The following MPDZ variants were observed in gnomAD, a reference collection of about 807,000 sequenced individuals.
The protein encoded by MPDZ is multiple PDZ domain protein.
MPDZ carries 234 observed loss-of-function variants against 239.1 expected under a neutral mutation model. The ratio of observed to expected loss-of-function variants is 0.98; its 90% confidence interval spans 0.88 to 1.09. The LOEUF is 1.09. Ranked by LOEUF, MPDZ falls within the 50% of genes least tolerant of loss-of-function variation. The pLI is 0.00. For synonymous variants in MPDZ, 1,048 were observed against 881.3 expected (o/e 1.19, Z -3.35); for missense variants, 3,175 against 2,510.0 (o/e 1.26, Z -5.66).
intron 12 of MPDZ, among the ~76,000 whole-genome samples, chr9:13,198,727 A>ATCTC (rs138547279): frequency 0.032 from 2,577 of 80,690 alleles, 245 homozygotes; most frequent in South Asian, 0.058. Context: ...TAGGTCTTTA[A>ATCTC]TCTCTCTCTC....
rs188392563 is a variant in MPDZ at position 13,188,797 on chromosome 9, G to C, written c.2351C>G (p.Ala784Gly). The change falls in exon 17 of 47, where the codon GCT becomes GGT. Residue 784 changes from alanine (A) to glycine (G), a missense_variant. Ala to Gly is a moderately conservative substitution (Grantham distance 60). Transcript: ENST00000319217. Reference sequence around the variant, plus strand: ...CTGAATTCTTACGGGTAAAGGCTTAGCAACTCCTATTCTCACAGTCCCTGA... The same window carrying C: ...CTGAATTCTTACGGGTAAAGGCTTACCAACTCCTATTCTCACAGTCCCTGA... ...APSGTVRIGV[A>G]KPLPLSPEEG... The C allele has an allele frequency of 1.2e-6, 2 of 1,613,014 alleles. No homozygotes were observed. The highest frequency in any genetic ancestry group is 1.1e-5 in the South Asian group (1 of 91,014).
At chr9:13,255,402 A>C (rs1969196092) in intron 1 of MPDZ, among the ~76,000 whole-genome samples, 1 of 152,208 alleles carries the variant, frequency 6.6e-6, no homozygotes, top group African/African-American at 2.4e-5. Flanking sequence ...AAATATCTTA[A>C]TGGCATTTAA....
chr9:13,169,274 C>T (rs899226287), intron 21 of MPDZ, among the ~76,000 whole-genome samples: 4 of 152,122 alleles, frequency 2.6e-5, no homozygotes, highest in African/African-American at 9.7e-5. Flanking sequence ...CTGGATGTCT[C>T]ACAGGAAATG....
intron 1 of MPDZ, among the ~76,000 whole-genome samples, chr9:13,264,654 T>C (rs62532884): frequency 6.8e-6 from 1 of 146,984 alleles, no homozygotes; most frequent in Non-Finnish European, 1.5e-5. Context: ...TCACCCATAA[T>C]TTAAAAAAAA....
Position 13,245,947 on chromosome 9 carries a change from T to C in MPDZ, c.183+1688A>G, listed in dbSNP as rs569755920. Among the ~76,000 whole-genome samples the C allele has an allele frequency of 5.3e-5, 8 of 152,344 alleles. No individual in the cohort carries two copies. The South Asian group carries it at 6.2e-4, about 12-fold the overall frequency. ...AAGTTATCTCACTGGGCCAGTGGTATATCCCAACAGACTTGCTAGCACTCT... is the reference window on the plus strand; with the variant it reads ...AAGTTATCTCACTGGGCCAGTGGTACATCCCAACAGACTTGCTAGCACTCT... On this transcript the variant is annotated intron_variant, in intron 3 of 46. Transcript: ENST00000319217.
At chr9:13,122,393 AG>A (rs1944484657) in intron 36 of MPDZ, among the ~76,000 whole-genome samples, 1 of 152,226 alleles carries the variant, frequency 6.6e-6, no homozygotes, top group Admixed American at 6.5e-5. Flanking sequence ...AGAAGATTAA[AG>A]AAAAAAACTA....
In MPDZ at chr9:13,176,421, G is replaced by C; in HGVS notation, c.2650-4C>G. ...CACAAGAATTTTCAATAACATCCTGGTAGTTAAAAAACAACAACAACAAAA... is the reference window on the plus strand; with the variant it reads ...CACAAGAATTTTCAATAACATCCTGCTAGTTAAAAAACAACAACAACAAAA... On this transcript the variant is annotated splice_polypyrimidine_tract_variant and splice_region_variant and intron_variant, in intron 19 of 46. Coordinates refer to ENST00000319217, the MANE Select transcript of MPDZ (RefSeq NM_001378778.1). 6.5e-7 allele frequency: 1 copy of C among 1,533,900 alleles called. No individual in the cohort carries two copies. The highest frequency in any genetic ancestry group is 1.7e-4 in the Middle Eastern group (1 of 5,730).
At chr9:13,248,755 C>T (rs1967013802) in intron 2 of MPDZ, among the ~76,000 whole-genome samples, 1 of 150,974 alleles carries the variant, frequency 6.6e-6, no homozygotes, top group South Asian at 2.1e-4. Context: ...ATTACTTGAG[C>T]TCAGGAGTTT....
chr9:13,228,496 T>C (rs1961340884), intron 3 of MPDZ, among the ~76,000 whole-genome samples: 1 of 151,934 alleles, frequency 6.6e-6, no homozygotes, highest in Admixed American at 6.6e-5. Context: ...GCAGAAAAAA[T>C]AACAAAGAAA....
Position 13,279,688 on chromosome 9 carries a change from A to T in MPDZ, c.-346T>A, listed in dbSNP as rs1403890025. 1 of 150,526 alleles carries T rather than the reference A, an allele frequency of 6.6e-6. No individual in the cohort carries two copies. The highest frequency in any genetic ancestry group is 1.5e-5 in the Non-Finnish European group (1 of 67,654). The allele number at this position is 150,526 out of a possible 1,614,324, so 9.3% of individuals were successfully genotyped here. The stretch of plus-strand genomic sequence containing the variant: ...TGCCGCGGAGGCGGTGGCGGGGCCC[A>T]GGCTGCTGGGGCTGCCGTGACGCCT... On this transcript the variant is annotated 5_prime_UTR_variant, in exon 1 of 47. Coordinates refer to ENST00000319217, the MANE Select transcript of MPDZ (RefSeq NM_001378778.1).
intron 1 of MPDZ, among the ~76,000 whole-genome samples, chr9:13,250,989 T>C (rs1967821898): frequency 6.6e-6 from 1 of 150,756 alleles, no homozygotes; most frequent in Admixed American, 6.6e-5. Flanking sequence ...ATTAGCTGGG[T>C]GTGGTTGTGC....
Position 13,175,807 on chromosome 9 carries a change from T to C in MPDZ, c.3000A>G (p.Val1000=), listed in dbSNP as rs750909758. 15 of 1,583,234 alleles carry C rather than the reference T, an allele frequency of 9.5e-6. No individual in the cohort carries two copies. The highest frequency in any genetic ancestry group is 1.1e-5 in the Non-Finnish European group (13 of 1,163,552). Residue 1000 remains valine (V), a synonymous_variant, in exon 21 of 47, where the codon GTA becomes GTG. Transcript: ENST00000319217. ...CNAECVMLQN[V]SKESFERTIN... is the part of the protein sequence containing the mutation. ...TAGTCCTTTCAAAAGATTCTTTAGA[T>C]ACATTTTGAAGCATGACACACTCAG...
intron 25 of MPDZ, among the ~76,000 whole-genome samples, chr9:13,148,759 A>C (rs1948762839): frequency 6.6e-6 from 1 of 151,876 alleles, no homozygotes; most frequent in African/African-American, 2.4e-5. Flanking sequence ...ACATTTTGAG[A>C]AACTCTTAGC....
intron 10 of MPDZ, among the ~76,000 whole-genome samples, chr9:13,208,939 A>G (rs1465720512): frequency 6.6e-6 from 1 of 152,134 alleles, no homozygotes; most frequent in African/African-American, 2.4e-5. Flanking sequence ...AAAATAGAAC[A>G]GAGAAAACAC....
chr9:13,124,401 T>TA (rs1335842857), intron 35 of MPDZ, among the ~76,000 whole-genome samples: 1 of 152,190 alleles, frequency 6.6e-6, no homozygotes, highest in Non-Finnish European at 1.5e-5. Flanking sequence ...AGTGTTTCCT[T>TA]AAAAAACTGT....
chr9:13,249,029 T>C (rs1967149373), intron 2 of MPDZ, among the ~76,000 whole-genome samples: 1 of 116,256 alleles, frequency 8.6e-6, no homozygotes, highest in Admixed American at 1.0e-4. Flanking sequence ...TCACCAGAGA[T>C]ACTTTCTATA....
At chr9:13,235,275 T>A (rs769107731) in intron 3 of MPDZ, among the ~76,000 whole-genome samples, 44 of 152,134 alleles carry the variant, frequency 2.9e-4, no homozygotes, top group Admixed American at 1.6e-3. Context: ...GCTCCTGAAC[T>A]AAATGAGACA....
intron 3 of MPDZ, among the ~76,000 whole-genome samples, chr9:13,236,415 T>C (rs1181502556): frequency 9.3e-5 from 14 of 150,100 alleles, no homozygotes; most frequent in Non-Finnish European, 2.1e-4. Context: ...GTAGCTGAGC[T>C]GGGATTACAG....
rs368217914 is a variant in MPDZ at position 13,189,339 on chromosome 9, A to G, written c.2155-346T>C. Among the ~76,000 whole-genome samples, 19 of 152,266 alleles carry G rather than the reference A, an allele frequency of 1.2e-4. No individual in the cohort carries two copies. The South Asian group carries it at 3.7e-3, about 30-fold the overall frequency. On this transcript the variant is annotated intron_variant, in intron 16 of 46. Coordinates refer to ENST00000319217, the MANE Select transcript of MPDZ (RefSeq NM_001378778.1). ...CAGATGTTGGGTATATTAATTATTA[A>G]CAAAAGCATTGTTAAATAGGGTGTT...
Sources: allele counts gnomAD v4.1 joint callset (sites outside exome capture counted in the v4.1 genomes callset), GRCh38; gene constraint gnomAD v4.1.1; transcripts MANE v1.5; gene names NCBI Gene and HGNC (gene_info 2026-07-23, HGNC 2026-07-21).